Variants in SNX4 observed in about 807,000 individuals in gnomAD.
SNX4 encodes sorting nexin-4.
SNX4 carries 49 observed loss-of-function variants against 70.8 expected under a neutral mutation model. That is an observed-to-expected ratio of 0.69 (90% CI 0.55 to 0.88). SNX4 has a LOEUF of 0.88. SNX4 is among the 40% of genes least tolerant of loss of function. The pLI is 0.00. For missense variants in SNX4, 528 were observed against 544.8 expected (o/e 0.97, Z 0.31); for synonymous variants, 206 against 183.8 (o/e 1.12, Z -0.98).
At chr3:125,506,363 CAG>C (rs1006677209) in intron 1 of SNX4, among the ~76,000 whole-genome samples, 1 of 134,352 alleles carries the variant, frequency 7.4e-6, no homozygotes, top group African/African-American at 3.3e-5. Flanking sequence ...TTTTTTTAGA[CAG>C]AGTCTAGCTC....
At chr3:125,505,388 T>C (rs1935024807) in intron 1 of SNX4, among the ~76,000 whole-genome samples, 1 of 152,160 alleles carries the variant, frequency 6.6e-6, no homozygotes, top group Non-Finnish European at 1.5e-5. Flanking sequence ...AGACGACAAC[T>C]GCACTGGCAG....
intron 12 of SNX4, among the ~76,000 whole-genome samples, chr3:125,453,249 T>C (rs951172360): frequency 1.5e-4 from 23 of 152,128 alleles, no homozygotes; most frequent in African/African-American, 5.5e-4. Flanking sequence ...AATACAAAAC[T>C]GCCATACCAT....
chr3:125,464,788 G>C (rs2107533176), intron 9 of SNX4, among the ~76,000 whole-genome samples: 1 of 152,012 alleles, frequency 6.6e-6, no homozygotes, highest in South Asian at 2.1e-4. Flanking sequence ...TGTCACCCAG[G>C]TTGGAGTGCA....
At chr3:125,480,194 T>G in intron 7 of SNX4, 53 bp downstream of exon 7, 1 of 1,112,398 alleles carries the variant, frequency 9.0e-7, no homozygotes, top group Non-Finnish European at 1.3e-6. Flanking sequence ...AATGATTACA[T>G]GAGAAGCACT....
intron 11 of SNX4, among the ~76,000 whole-genome samples, chr3:125,456,524 G>A (rs1009728634): frequency 2.6e-5 from 4 of 152,106 alleles, no homozygotes; most frequent in Non-Finnish European, 1.5e-5. Context: ...GCACATGCCT[G>A]TGGTCCCAAC....
At chr3:125,484,417 G>T (rs750111995) in intron 6 of SNX4, among the ~76,000 whole-genome samples, 3 of 152,024 alleles carry the variant, frequency 2.0e-5, no homozygotes, top group Non-Finnish European at 4.4e-5. Flanking sequence ...ACCACACCTG[G>T]TTAATTTTTA....
chr3:125,449,986 T>C (rs1428602191), intron 13 of SNX4, among the ~76,000 whole-genome samples: 1 of 152,210 alleles, frequency 6.6e-6, no homozygotes, highest in African/African-American at 2.4e-5. Flanking sequence ...GGCTCATGCC[T>C]ATAATCCCAG....
intron 9 of SNX4, among the ~76,000 whole-genome samples, 175 bp from the exon 10 acceptor site, chr3:125,461,035 G>A (rs1933871258): frequency 6.6e-6 from 1 of 152,174 alleles, no homozygotes; most frequent in South Asian, 2.1e-4. Flanking sequence ...AGACCAGCCT[G>A]GCCAACGTGG....
chr3:125,475,942 G>A (rs1934280085), intron 8 of SNX4, among the ~76,000 whole-genome samples: 1 of 151,156 alleles, frequency 6.6e-6, no homozygotes, highest in African/African-American at 2.4e-5. Flanking sequence ...CTACACCACT[G>A]CACTCCAGCC....
At chr3:125,462,669 A>G (rs1323359977) in intron 9 of SNX4, among the ~76,000 whole-genome samples, 1 of 151,280 alleles carries the variant, frequency 6.6e-6, no homozygotes, top group East Asian at 1.9e-4. Flanking sequence ...ATAAAATTGT[A>G]TGAAATACAT....
Position 125,447,531 on chromosome 3 carries a change from G to T in SNX4, c.*248C>A. 2 of 350,114 alleles carry T rather than the reference G, an allele frequency of 5.7e-6. No homozygotes were observed. Among genetic ancestry groups the T allele is most frequent in the Non-Finnish European group, 1.0e-5 (2 of 198,532 alleles). 21.7% of individuals were successfully genotyped at this position (350,114 alleles called of 1,614,324 possible). A position where few individuals can be genotyped will look rare whatever the true frequency, so the allele number is the denominator to read the frequency against. On this transcript the variant is annotated 3_prime_UTR_variant, in exon 14 of 14. Transcript: ENST00000251775. The stretch of plus-strand genomic sequence containing the variant: ...CAGAAGCGTGACAAACAATCTGTTG[G>T]TATATATTATTAAATTAACTTTTTG...
Position 125,480,239 on chromosome 3 carries a change from C to A in SNX4, c.726+8G>T, listed in dbSNP as rs756006470. ...ATGTGCATCAAAAAGCTTTTGGGGACCACTTACAGCTCTGACTCGAAGAAG... is the reference window on the plus strand; with the variant it reads ...ATGTGCATCAAAAAGCTTTTGGGGAACACTTACAGCTCTGACTCGAAGAAG... On this transcript the variant is annotated splice_region_variant and intron_variant, in intron 7 of 13. Transcript: ENST00000251775. The A allele has an allele frequency of 4.0e-6, 6 of 1,518,414 alleles. No individual in the cohort carries two copies. In the South Asian group the frequency reaches 6.6e-5, roughly 17 times the overall value. 94.1% of individuals were successfully genotyped at this position (1,518,414 alleles called of 1,614,324 possible). A position where few individuals can be genotyped will look rare whatever the true frequency, so the allele number is the denominator to read the frequency against.
Position 125,447,805 on chromosome 3 carries a change from C to T in SNX4, c.1327G>A (p.Ala443Thr). The stretch of plus-strand genomic sequence containing the variant: ...TACATCTTGCTAAAGCATTCCTTAG[C>T]ATTGGTCCAAACTTGAATTCCCTAA... ...CKKGIQVWTN[A>T]KECFSKM Residue 443 changes from alanine (A) to threonine (T), a missense_variant, in exon 14 of 14, where the codon GCT becomes ACT. Coordinates refer to ENST00000251775, the MANE Select transcript of SNX4 (RefSeq NM_003794.4). The T allele has an allele frequency of 6.3e-7, 1 of 1,593,398 alleles. No homozygotes were observed.
At chr3:125,517,369 A>G (rs1395755700) in intron 1 of SNX4, among the ~76,000 whole-genome samples, 1 of 152,222 alleles carries the variant, frequency 6.6e-6, no homozygotes, top group African/African-American at 2.4e-5. Flanking sequence ...CACTGTGCAC[A>G]GCACACGCAA....
At chr3:125,462,914 A>G (rs1933920533) in intron 9 of SNX4, among the ~76,000 whole-genome samples, 1 of 152,234 alleles carries the variant, frequency 6.6e-6, no homozygotes, top group East Asian at 1.9e-4. Context: ...CTTGAGGAGC[A>G]GGACTAACTC....
At chr3:125,511,076 G>A (rs965834360) in intron 1 of SNX4, among the ~76,000 whole-genome samples, 3 of 152,000 alleles carry the variant, frequency 2.0e-5, no homozygotes, top group Non-Finnish European at 2.9e-5. Flanking sequence ...GCATACCACC[G>A]GATAATTCTG....
At chr3:125,474,156 G>A (rs912569669) in intron 8 of SNX4, among the ~76,000 whole-genome samples, 9 of 152,018 alleles carry the variant, frequency 5.9e-5, no homozygotes, top group South Asian at 4.1e-4. Context: ...CTCAGTTACC[G>A]TATGCTGAAT....
intron 13 of SNX4, 52 bp downstream of exon 13, chr3:125,451,253 A>G: frequency 1.6e-6 from 2 of 1,240,198 alleles, no homozygotes; most frequent in Non-Finnish European, 2.3e-6. Flanking sequence ...AAATACATGT[A>G]TAAGCACTTC....
chr3:125,471,069 G>T (rs1455880186), intron 8 of SNX4, among the ~76,000 whole-genome samples: 5 of 152,040 alleles, frequency 3.3e-5, no homozygotes. Flanking sequence ...TTTTGGCAAG[G>T]CATGATGGCT....
Sources: gnomAD v4.1 joint callset for allele counts (sites outside exome capture counted in the v4.1 genomes callset) on GRCh38, gnomAD v4.1.1 for gene constraint, MANE v1.5 for transcripts, NCBI Gene and HGNC (gene_info 2026-07-23, HGNC 2026-07-21) for gene names.